Variants in FANCB observed in about 807,000 individuals in gnomAD.
FANCB encodes the protein FA complementation group B.
In FANCB, 5 loss-of-function variants were observed where a neutral mutation model predicts 38.9. That is an observed-to-expected ratio of 0.13 (90% confidence interval 0.07 to 0.27). The LOEUF is 0.27. Ranked by LOEUF, FANCB falls within the 10% of genes least tolerant of loss-of-function variation. The pLI, the probability that FANCB is intolerant of heterozygous loss-of-function variation, is 1.00. For synonymous variants in FANCB, 236 were observed against 215.4 expected (o/e 1.10, Z -0.84); for missense variants, 573 against 602.7 (o/e 0.95, Z 0.52).
the FANCB span, among the ~76,000 whole-genome samples, chrX:14,812,246 G>T: frequency 1.8e-5 from 2 of 110,122 alleles, no homozygotes; most frequent in Non-Finnish European, 3.8e-5. Flanking sequence ...AACATCAAAA[G>T]TAAAAGAACT....
At chrX:14,762,251 G>A in the FANCB span, among the ~76,000 whole-genome samples, 2 of 111,117 alleles carry the variant, frequency 1.8e-5, no homozygotes, top group Admixed American at 9.6e-5. Flanking sequence ...GGACCTAATC[G>A]CATCCATGAG....
the FANCB span, among the ~76,000 whole-genome samples, chrX:14,828,826 C>T: frequency 1.8e-5 from 2 of 111,586 alleles, no homozygotes; most frequent in East Asian, 2.8e-4. Flanking sequence ...ATCCTCCCAC[C>T]TCAGCCTCTC....
chrX:14,754,416 G>A, the FANCB span, among the ~76,000 whole-genome samples: 1 of 112,158 alleles, frequency 8.9e-6, no homozygotes, highest in African/African-American at 3.2e-5. Flanking sequence ...TCTACCAAAC[G>A]TATTTTTAAA....
the FANCB span, among the ~76,000 whole-genome samples, chrX:14,821,749 GCTAA>G: frequency 1.8e-5 from 2 of 111,669 alleles, no homozygotes; most frequent in African/African-American, 6.5e-5. Context: ...AAAGTCAGCT[GCTAA>G]CTTAGTGAGA....
the FANCB span, among the ~76,000 whole-genome samples, chrX:14,807,001 A>G: frequency 1.8e-5 from 2 of 111,856 alleles, no homozygotes; most frequent in East Asian, 5.6e-4. Context: ...ACTAGGAGAA[A>G]GAGAGAGAGG....
At chrX:14,826,639 T>C in the FANCB span, among the ~76,000 whole-genome samples, 5 of 112,784 alleles carry the variant, frequency 4.4e-5, no homozygotes, top group East Asian at 1.4e-3. Flanking sequence ...TGCCGCTTTT[T>C]CTATTGACTC....
At chrX:14,758,818 C>G in the FANCB span, among the ~76,000 whole-genome samples, 1 of 111,424 alleles carries the variant, frequency 9.0e-6, no homozygotes, top group Non-Finnish European at 1.9e-5. Flanking sequence ...AAACAAAGTT[C>G]TTTAGCACCC....
At position 14,865,180 on chromosome X, in the gene FANCB, T is replaced by C. The variant is rs1462812783; in HGVS notation, c.331A>G (p.Ile111Val). 2.6e-6 allele frequency: 3 copies of C among 1,169,078 alleles called. No individual in the cohort carries two copies. The highest frequency in any genetic ancestry group is 3.0e-5 in the East Asian group (1 of 33,566). The part of the protein sequence containing the change: ...KNNVFEYFLL[I>V]LHSTNKFEMR... ...TCAAATTTATTAGTACTGTGAAGGATTAGTAAAAAATATTCAAAAACATTA... is the reference window on the plus strand; with the variant it reads ...TCAAATTTATTAGTACTGTGAAGGACTAGTAAAAAATATTCAAAAACATTA... The change falls in exon 3 of 10, where the codon ATC (isoleucine) becomes GTC (valine). Residue 111 changes from isoleucine to valine, a missense_variant. Ile to Val is a conservative substitution (Grantham distance 29, BLOSUM62 3). Coordinates refer to ENST00000650831, the MANE Select transcript of FANCB (RefSeq NM_001018113.3).
the FANCB span, among the ~76,000 whole-genome samples, chrX:14,746,946 A>T: frequency 1.8e-5 from 2 of 111,676 alleles, 1 homozygote; most frequent in African/African-American, 6.5e-5. Context: ...GAATTGGAAC[A>T]TTACATGGTT....
chrX:14,844,829 A>G, intron 8 of FANCB, 27 bp downstream of exon 8: 1 of 1,176,920 alleles, frequency 8.5e-7, no homozygotes, highest in Admixed American at 2.2e-5. Flanking sequence ...AATTAAATAT[A>G]TAATCTAAAA....
the FANCB span, among the ~76,000 whole-genome samples, chrX:14,697,981 T>A: frequency 1.8e-5 from 2 of 111,780 alleles, no homozygotes; most frequent in East Asian, 5.6e-4. Context: ...CTATCAAAAT[T>A]GTCCTTGTTT....
At chrX:14,836,492 A>G (rs1246699012) in intron 10 of FANCB, among the ~76,000 whole-genome samples, 1 of 112,604 alleles carries the variant, frequency 8.9e-6, no homozygotes, top group African/African-American at 3.2e-5. Flanking sequence ...ATGTACATGC[A>G]TATGTTATTT....
chrX:14,845,207 T>C lies in FANCB; in HGVS notation c.1576A>G (p.Arg526Gly). The change falls in exon 8 of 10, where the codon AGG becomes GGG. Residue 526 changes from arginine to glycine, a missense_variant. By Grantham distance (125) the Arg-to-Gly change is moderately radical (BLOSUM62 -2). Transcript: ENST00000650831. The part of the protein sequence containing the change: ...SRFRLLKCQN[R>G]VIKLSTNPFP... ...GGATTTGTACTCAACTTAATCACCC[T>C]ATTTTGACACTTTAGAAGCCGAAAT... The C allele has an allele frequency of 8.3e-7, 1 of 1,209,097 alleles. No homozygotes were observed. Among genetic ancestry groups the C allele is most frequent in the Non-Finnish European group, 1.1e-6 (1 of 893,228 alleles).
At chrX:14,702,348 T>G in the FANCB span, among the ~76,000 whole-genome samples, 2 of 112,022 alleles carry the variant, frequency 1.8e-5, no homozygotes, top group African/African-American at 6.5e-5. Context: ...ATCAGGAAAA[T>G]GCTGCTTCAG....
chrX:14,721,387 A>T, the FANCB span, among the ~76,000 whole-genome samples: 3 of 111,542 alleles, frequency 2.7e-5, no homozygotes, highest in African/African-American at 9.8e-5. Context: ...CCTTGAGTTA[A>T]TCATTCCACA....
the FANCB span, among the ~76,000 whole-genome samples, chrX:14,700,348 GGGGAAGGCAGTGTAA>G: frequency 9.0e-4 from 100 of 110,771 alleles, no homozygotes; most frequent in South Asian, 4.3e-3. Context: ...GGGAATGGAA[GGGGAAGGCAGTGTAA>G]GGGAAGGCAG....
intron 1 of FANCB, among the ~76,000 whole-genome samples, chrX:14,870,287 T>TCTTAGTCCAATTA (rs1214355325): frequency 9.0e-6 from 1 of 111,404 alleles, no homozygotes; most frequent in Non-Finnish European, 1.9e-5. Flanking sequence ...ATTTACAGGT[T>TCTTAGTCCAATTA]CTTAGTCCAA....
At chrX:14,763,380 G>C in the FANCB span, among the ~76,000 whole-genome samples, 1 of 112,140 alleles carries the variant, frequency 8.9e-6, no homozygotes, top group African/African-American at 3.2e-5. Context: ...CCATATGAAT[G>C]AATCTCACAA....
intron 5 of FANCB, among the ~76,000 whole-genome samples, chrX:14,856,272 C>T (rs1203554270): frequency 2.7e-5 from 3 of 111,771 alleles, no homozygotes; most frequent in South Asian, 3.7e-4. Flanking sequence ...AGAAGTGAAA[C>T]TGCAAGAGTA....
Sources: allele counts gnomAD v4.1 joint callset (sites outside exome capture counted in the v4.1 genomes callset), GRCh38; gene constraint gnomAD v4.1.1; transcripts MANE v1.5; gene names NCBI Gene and HGNC (gene_info 2026-07-23, HGNC 2026-07-21).